Variants in SEPTIN7 observed in about 807,000 individuals in gnomAD.
SEPTIN7 encodes the protein septin 7, also known as septin-7.
Under a neutral mutation model 63.3 loss-of-function variants are expected in SEPTIN7, and 10 were observed. That is an observed-to-expected ratio of 0.16 (90% CI 0.10 to 0.27). The LOEUF is 0.27. Ranked by LOEUF, SEPTIN7 falls within the 10% of genes least tolerant of loss-of-function variation. SEPTIN7 has a pLI of 1.00. For missense variants in SEPTIN7, 310 were observed against 521.0 expected (o/e 0.59, Z 3.94); for synonymous variants, 131 against 165.3 (o/e 0.79, Z 1.59).
chr7:35,871,217 G>A (rs924027295), intron 4 of SEPTIN7, among the ~76,000 whole-genome samples: 2 of 152,042 alleles, frequency 1.3e-5, no homozygotes, highest in East Asian at 1.9e-4. Context: ...TAAGAATTTG[G>A]CATCTCATTT....
chr7:35,912,870 G>A, the SEPTIN7 span, among the ~76,000 whole-genome samples: 8 of 152,158 alleles, frequency 5.3e-5, no homozygotes, highest in Non-Finnish European at 1.0e-4. Context: ...ATTGCTACAC[G>A]CCAAACACTG....
At chr7:35,872,858 T>G in intron 5 of SEPTIN7, 92 bp downstream of exon 5, 1 of 833,912 alleles carries the variant, frequency 1.2e-6, no homozygotes, top group Non-Finnish European at 2.0e-6. Flanking sequence ...ACTTCTCATC[T>G]TAGCAAAGGT....
At chr7:35,819,812 T>C (rs1420927385) in intron 1 of SEPTIN7, among the ~76,000 whole-genome samples, 2 of 152,170 alleles carry the variant, frequency 1.3e-5, no homozygotes, top group Non-Finnish European at 2.9e-5. Flanking sequence ...CTGAAACATG[T>C]CTCATGTGGG....
chr7:35,882,447 T>C, intron 7 of SEPTIN7, 37 bp from the exon 8 acceptor site: 2 of 1,395,348 alleles, frequency 1.4e-6, no homozygotes, highest in East Asian at 2.7e-5. Context: ...ACTAATTATG[T>C]ATGGTGCTCT....
intron 4 of SEPTIN7, 36 bp from the exon 5 acceptor site, chr7:35,872,630 G>A (rs1432897964): frequency 2.7e-6 from 4 of 1,458,926 alleles, no homozygotes; most frequent in African/African-American, 1.4e-5. Context: ...CTGATGTAAT[G>A]TATGATATTA....
At chr7:35,888,595 G>A (rs142152223) in intron 10 of SEPTIN7, among the ~76,000 whole-genome samples, 1 of 152,198 alleles carries the variant, frequency 6.6e-6, no homozygotes. Context: ...GAAGGTGGGA[G>A]AATTGCTTGA....
At chr7:35,808,513 A>G (rs2115679029) in intron 1 of SEPTIN7, among the ~76,000 whole-genome samples, 1 of 152,338 alleles carries the variant, frequency 6.6e-6, no homozygotes, top group African/African-American at 2.4e-5. Flanking sequence ...AGACTGGGTA[A>G]TTTATAAGGA....
At chr7:35,808,486 CT>C (rs781034435) in intron 1 of SEPTIN7, among the ~76,000 whole-genome samples, 10 of 152,170 alleles carry the variant, frequency 6.6e-5, no homozygotes, top group Non-Finnish European at 1.3e-4. Flanking sequence ...GTTTGTGCTG[CT>C]CCAACAAAAT....
At chr7:35,813,083 C>T (rs767256511) in intron 1 of SEPTIN7, among the ~76,000 whole-genome samples, 1 of 152,176 alleles carries the variant, frequency 6.6e-6, no homozygotes, top group Non-Finnish European at 1.5e-5. Flanking sequence ...ATTGTACTTA[C>T]TGTATGTGAA....
At chr7:35,831,558 T>C (rs1583525127) in intron 2 of SEPTIN7, 62 bp downstream of exon 2, 5 of 399,016 alleles carry the variant, frequency 1.3e-5, no homozygotes, top group Admixed American at 3.3e-5. Context: ...ATTTAATTTA[T>C]AGTTGGATGA....
chr7:35,877,994 G>A (rs146885365), intron 6 of SEPTIN7, among the ~76,000 whole-genome samples: 34 of 152,312 alleles, frequency 2.2e-4, no homozygotes, highest in Non-Finnish European at 4.0e-4. Flanking sequence ...AATATCTCAT[G>A]TAATTTATTG....
intron 11 of SEPTIN7, among the ~76,000 whole-genome samples, chr7:35,896,565 A>G (rs901828284): frequency 1.3e-5 from 2 of 152,208 alleles, no homozygotes; most frequent in Non-Finnish European, 2.9e-5. Flanking sequence ...AGGCAACTGT[A>G]TTAAAAACAC....
At chr7:35,866,190 T>C (rs1785796977) in intron 4 of SEPTIN7, among the ~76,000 whole-genome samples, 1 of 152,210 alleles carries the variant, frequency 6.6e-6, no homozygotes, top group South Asian at 2.1e-4. Context: ...TGGAAACCAG[T>C]TGAAGATCAT....
intron 3 of SEPTIN7, among the ~76,000 whole-genome samples, chr7:35,839,143 G>C (rs183056559): frequency 2.5e-4 from 38 of 152,224 alleles, no homozygotes; most frequent in African/African-American, 8.7e-4. Flanking sequence ...GACTTATTTG[G>C]AGTCATCAAG....
intron 3 of SEPTIN7, among the ~76,000 whole-genome samples, chr7:35,834,074 G>C (rs1230366208): frequency 6.6e-6 from 1 of 151,952 alleles, no homozygotes; most frequent in African/African-American, 2.4e-5. Context: ...GATGGGTCTA[G>C]ATAGAGGGAT....
chr7:35,807,481 C>CA (rs1788426220), intron 1 of SEPTIN7, among the ~76,000 whole-genome samples: 1 of 151,696 alleles, frequency 6.6e-6, no homozygotes, highest in African/African-American at 2.4e-5. Context: ...TCTCCTGCCT[C>CA]AGCCTCCTGA....
rs1208978485 is a variant in SEPTIN7, at chr7:35,906,270, GTCTT to G, written c.*1983_*1986del. ...ACCATCCTAATGAAAACTTTCAGAA[GTCTT>G]TCTTTATCCATGGCATGCCCAGGGT... On this transcript the variant is annotated 3_prime_UTR_variant, in exon 14 of 14. Transcript: ENST00000350320. 2.0e-5 allele frequency: 3 copies of G among 152,148 alleles called. No homozygotes were observed. The highest frequency in any genetic ancestry group is 6.6e-5 in the Admixed American group (1 of 15,264). 9.4% of individuals were successfully genotyped at this position (152,148 alleles called of 1,614,324 possible).
intron 7 of SEPTIN7, among the ~76,000 whole-genome samples, chr7:35,881,597 A>C (rs755056023): frequency 1.3e-5 from 2 of 150,732 alleles, no homozygotes; most frequent in Non-Finnish European, 3.0e-5. Flanking sequence ...ACTTCTGTCT[A>C]CTATAGTAAC....
At chr7:35,845,214 T>C (rs554432665) in intron 3 of SEPTIN7, among the ~76,000 whole-genome samples, 1 of 152,172 alleles carries the variant, frequency 6.6e-6, no homozygotes, top group African/African-American at 2.4e-5. Context: ...TAATTGTGTA[T>C]ATGAGTGTAC....
Sources: allele counts gnomAD v4.1 joint callset (sites outside exome capture counted in the v4.1 genomes callset), GRCh38; gene constraint gnomAD v4.1.1; transcripts MANE v1.5; gene names NCBI Gene and HGNC (gene_info 2026-07-23, HGNC 2026-07-21).